The following FAT3 variants were observed in gnomAD, a reference collection of about 807,000 sequenced individuals.
FAT3 encodes protocadherin Fat 3.
In FAT3, 95 loss-of-function variants were observed where a neutral mutation model predicts 310.2. The observed-to-expected ratio is 0.31, with a 90% confidence interval of 0.26 to 0.36. FAT3 has a LOEUF of 0.36. Ranked by LOEUF, FAT3 falls within the 10% of genes least tolerant of loss-of-function variation. The pLI is 1.00. For missense variants in FAT3, 5,408 were observed against 5,715.6 expected (o/e 0.95, Z 1.74); for synonymous variants, 2,314 against 2,192.9 (o/e 1.06, Z -1.54).
intron 1 of FAT3, chr11:92,336,134 T>C (rs950449099): frequency 5.6e-6 from 3 of 537,032 alleles, no homozygotes; most frequent in Non-Finnish European, 1.1e-5. Context: ...GCATCTCAGC[T>C]CTGCAGTGGG....
intron 2 of FAT3, among the ~76,000 whole-genome samples, chr11:92,467,094 C>A (rs1482231842): frequency 6.6e-6 from 1 of 151,918 alleles, no homozygotes; most frequent in Non-Finnish European, 1.5e-5. Flanking sequence ...GGGTATATAC[C>A]CAGTAATGGG....
Position 92,801,110 on chromosome 11 carries a change from G to T in FAT3, c.8097G>T (p.Leu2699Phe). 4 of 1,613,890 alleles carry T rather than the reference G, an allele frequency of 2.5e-6. No homozygotes were observed. Among genetic ancestry groups the T allele is most frequent in the Non-Finnish European group, 2.5e-6 (3 of 1,179,868 alleles). The change falls in exon 10 of 28, where the codon TTG becomes TTT. Residue 2699 changes from leucine (L) to phenylalanine (F), a missense_variant. Transcript: ENST00000525166. ...TCATTCCTGTCTATATCCACGTCTT[G>T]CCCCCTGAAACGTTCTTGCCATCAT... Reference protein sequence around the residue: ...HSLIPVYIHVLPPETFLPSFT... With the variant: ...HSLIPVYIHVFPPETFLPSFT...
chr11:92,587,907 A>G (rs1188645065), intron 3 of FAT3, among the ~76,000 whole-genome samples: 4 of 152,042 alleles, frequency 2.6e-5, no homozygotes, highest in Admixed American at 6.6e-5. Flanking sequence ...CCAAATCTAA[A>G]CAAAGGACAA....
intron 1 of FAT3, among the ~76,000 whole-genome samples, chr11:92,339,122 G>A (rs896669987): frequency 2.0e-5 from 3 of 152,130 alleles, no homozygotes; most frequent in South Asian, 2.1e-4. Context: ...AATTAGTTCC[G>A]CTAATCTAGG....
rs187303008 is a variant in FAT3, at chr11:92,627,662, G to A, written c.3608-69722G>A. Among the ~76,000 whole-genome samples, 4 of 152,280 alleles carry A rather than the reference G, an allele frequency of 2.6e-5. No homozygotes were observed. In the East Asian group the frequency reaches 7.7e-4, roughly 29 times the overall value. On this transcript the variant is annotated intron_variant, in intron 3 of 27. Transcript: ENST00000525166. ...GAGCCAGGGAAAGACAGTGATTCTA[G>A]TCTCACCTTTGTAAAAGGAATTTAC...
chr11:92,704,190 G>T (rs758586173), intron 4 of FAT3, among the ~76,000 whole-genome samples: 3 of 152,124 alleles, frequency 2.0e-5, no homozygotes, highest in Non-Finnish European at 4.4e-5. Context: ...TGAAGAGCAG[G>T]TTTTCTCTCA....
intron 3 of FAT3, among the ~76,000 whole-genome samples, chr11:92,625,039 C>T (rs926201791): frequency 6.6e-6 from 1 of 152,102 alleles, no homozygotes; most frequent in Non-Finnish European, 1.5e-5. Flanking sequence ...AATTTGATAA[C>T]CTCTGTAGAG....
intron 2 of FAT3, among the ~76,000 whole-genome samples, chr11:92,446,965 T>C (rs559051369): frequency 5.9e-5 from 9 of 152,314 alleles, no homozygotes; most frequent in Non-Finnish European, 1.2e-4. Context: ...TCCAACACTG[T>C]CTACCTCTTA....
At chr11:92,737,525 G>C (rs967456577) in intron 4 of FAT3, among the ~76,000 whole-genome samples, 4 of 152,074 alleles carry the variant, frequency 2.6e-5, no homozygotes, top group Non-Finnish European at 5.9e-5. Context: ...GTGTACGTGT[G>C]TGTGTGTGTG....
intron 4 of FAT3, among the ~76,000 whole-genome samples, chr11:92,704,831 CT>C (rs1394876149): frequency 1.1e-4 from 16 of 152,200 alleles, no homozygotes; most frequent in African/African-American, 3.6e-4. Flanking sequence ...ATCAACTGGC[CT>C]GTCCCTGCCC....
intron 7 of FAT3, among the ~76,000 whole-genome samples, chr11:92,786,358 T>C (rs1177481106): frequency 6.6e-6 from 1 of 151,518 alleles, no homozygotes; most frequent in Non-Finnish European, 1.5e-5. Context: ...CATGACAAAA[T>C]TGAAAGCGTA....
At chr11:92,490,012 C>T (rs1050555174) in intron 2 of FAT3, among the ~76,000 whole-genome samples, 21 of 151,672 alleles carry the variant, frequency 1.4e-4, no homozygotes, top group African/African-American at 5.1e-4. Context: ...TCTGAAACTA[C>T]TTTTGAATGT....
At chr11:92,681,833 A>G (rs1325191801) in intron 3 of FAT3, among the ~76,000 whole-genome samples, 2 of 152,196 alleles carry the variant, frequency 1.3e-5, no homozygotes, top group Middle Eastern at 3.2e-3. Context: ...CTGAAGCAGT[A>G]TCAGTGTGGG....
intron 7 of FAT3, among the ~76,000 whole-genome samples, chr11:92,780,312 A>G (rs1162311466): frequency 6.6e-6 from 1 of 151,832 alleles, no homozygotes; most frequent in Non-Finnish European, 1.5e-5. Flanking sequence ...ATAGGCATGT[A>G]CCACCACACC....
intron 3 of FAT3, among the ~76,000 whole-genome samples, chr11:92,606,591 G>A (rs1262223643): frequency 6.6e-6 from 1 of 152,188 alleles, no homozygotes; most frequent in Non-Finnish European, 1.5e-5. Context: ...CATTTGTTGA[G>A]TGCTGTCTCA....
At chr11:92,274,525 G>A (rs1946211113) in intron 1 of FAT3, among the ~76,000 whole-genome samples, 1 of 151,918 alleles carries the variant, frequency 6.6e-6, no homozygotes, top group Non-Finnish European at 1.5e-5. Context: ...TTCAACTCTT[G>A]TCTTCTGTAA....
intron 2 of FAT3, among the ~76,000 whole-genome samples, chr11:92,462,587 A>G (rs1167894097): frequency 1.2e-4 from 18 of 152,070 alleles, no homozygotes. Flanking sequence ...AGAGTGGAAG[A>G]CCACCTAGAG....
At chr11:92,494,114 A>G (rs956475251) in intron 2 of FAT3, among the ~76,000 whole-genome samples, 3 of 151,246 alleles carry the variant, frequency 2.0e-5, no homozygotes, top group Non-Finnish European at 4.4e-5. Flanking sequence ...ATGGCAGGAG[A>G]GAGAGAGTGA....
chr11:92,446,017 C>G (rs550452535), intron 2 of FAT3, among the ~76,000 whole-genome samples: 85 of 152,246 alleles, frequency 5.6e-4, no homozygotes, highest in Non-Finnish European at 1.1e-3. Flanking sequence ...GCTAATCACT[C>G]CTATTTATGA....
Sources: allele counts gnomAD v4.1 joint callset (sites outside exome capture counted in the v4.1 genomes callset), GRCh38; gene constraint gnomAD v4.1.1; transcripts MANE v1.5; gene names NCBI Gene and HGNC (gene_info 2026-07-23, HGNC 2026-07-21).